Variants in SGSM3 observed in about 807,000 individuals in gnomAD.
SGSM3 encodes the protein small G protein signaling modulator 3.
In SGSM3, 96 loss-of-function variants were observed where a neutral mutation model predicts 100.5. The observed-to-expected ratio is 0.96, with a 90% CI of 0.81 to 1.13. The LOEUF (loss-of-function observed/expected upper bound fraction) is 1.13. Among genes scored for constraint, SGSM3 ranks in the 50% most tolerant of loss-of-function variants. The pLI, the probability that SGSM3 is intolerant of heterozygous loss-of-function variation, is 0.00. For synonymous variants in SGSM3, 483 were observed against 422.8 expected (o/e 1.14, Z -1.75); for missense variants, 1,001 against 1,015.8 (o/e 0.99, Z 0.20).
rs2052409105 is a variant in SGSM3 at position 40,410,105 on chromosome 22, G to A, written c.*346G>A. The stretch of plus-strand genomic sequence containing the variant: ...ATAAATAAACTGTGTCTGTCTTTGA[G>A]AAAGCACCTACCTGTCTTCTGTGCA... On this transcript the variant is annotated 3_prime_UTR_variant, in exon 22 of 22. Transcript: ENST00000248929. 8 of 1,122,354 alleles carry A rather than the reference G, an allele frequency of 7.1e-6. No homozygotes were observed. The highest frequency in any genetic ancestry group is 8.8e-6 in the Non-Finnish European group (8 of 911,574). 69.5% of individuals were successfully genotyped at this position (1,122,354 alleles called of 1,614,324 possible).
chr22:40,398,537 C>T lies in SGSM3; in HGVS notation c.-111-2159C>T, dbSNP rs1341445930. Among the ~76,000 whole-genome samples the T allele has an allele frequency of 2.1e-5, 3 of 141,536 alleles. 1 individual carries two copies. Among genetic ancestry groups the T allele is most frequent in the African/African-American group, 7.8e-5 (3 of 38,538 alleles). The allele number at this position is 141,536 out of a possible 152,430, so 92.9% of individuals were successfully genotyped here. A position where few individuals can be genotyped will look rare whatever the true frequency, so the allele number is the denominator to read the frequency against. ...CTTTTACTCTGCCCTTTCAGAACCACCAACCAAACCCCTGCCTCTGGGGCC... is the reference window on the plus strand; with the variant it reads ...CTTTTACTCTGCCCTTTCAGAACCATCAACCAAACCCCTGCCTCTGGGGCC... On this transcript the variant is annotated intron_variant, in intron 1 of 21. Coordinates refer to ENST00000248929, the MANE Select transcript of SGSM3 (RefSeq NM_015705.6).
Position 40,405,707 on chromosome 22 carries a change from C to T in SGSM3, c.677C>T (p.Ala226Val), listed in dbSNP as rs2051393773. The T allele has an allele frequency of 1.2e-6, 2 of 1,613,614 alleles. No individual in the cohort carries two copies. The highest frequency in any genetic ancestry group is 1.3e-5 in the African/African-American group (1 of 74,874). The stretch of plus-strand genomic sequence containing the variant: ...GAGGACGCCTTCTGGATGATGTCTG[C>T]CATCATCGAGGACCTGCTCCCCGCC... The part of the protein sequence containing the change: ...EEEDAFWMMS[A>V]IIEDLLPASY... The change falls in exon 8 of 22, where the codon GCC becomes GTC. Residue 226 changes from alanine to valine, a missense_variant. Physicochemically the swap from Ala to Val is moderately conservative, Grantham distance 64 (BLOSUM62 0). Coordinates refer to ENST00000248929, the MANE Select transcript of SGSM3 (RefSeq NM_015705.6).
chr22:40,371,033 G>A (rs1247480513), intron 1 of SGSM3, among the ~76,000 whole-genome samples: 5 of 152,258 alleles, frequency 3.3e-5, no homozygotes, highest in Admixed American at 6.5e-5. Context: ...TGAGGCGGGG[G>A]GCTTTCTAAA....
intron 1 of SGSM3, among the ~76,000 whole-genome samples, chr22:40,379,968 C>G (rs1246486172): frequency 6.6e-6 from 1 of 152,138 alleles, no homozygotes; most frequent in Non-Finnish European, 1.5e-5. Flanking sequence ...TCCTCGGCCT[C>G]CTAAAGTGCT....
At chr22:40,406,735 G>A (rs143734853) in intron 10 of SGSM3, 73 bp downstream of exon 10, 58,147 of 1,282,968 alleles carry the variant, frequency 0.045, 1,516 homozygotes, top group Non-Finnish European at 0.055. Context: ...AGTTCAGAGC[G>A]CGGGGGCTGC....
rs551248980 is a variant in SGSM3 at position 40,407,159 on chromosome 22, C to T, written c.1241-42C>T. The T allele has an allele frequency of 3.1e-6, 5 of 1,612,644 alleles. No homozygotes were observed. The African/African-American group carries it at 4.0e-5, about 13-fold the overall frequency. ...GACGTGGAGCTTCCTCCTCGGGGGC[C>T]TGGAGTGGGCTGTGGTCACCATGGT... On this transcript the variant is annotated intron_variant, in intron 11 of 21. Coordinates refer to ENST00000248929, the MANE Select transcript of SGSM3 (RefSeq NM_015705.6). This position sits in a 1 kb window ranked among gnomAD's most constrained non-coding sequence, Gnocchi z 4.7.
intron 1 of SGSM3, among the ~76,000 whole-genome samples, chr22:40,399,775 C>T (rs1308651974): frequency 1.3e-5 from 2 of 152,230 alleles, no homozygotes; most frequent in Non-Finnish European, 2.9e-5. Flanking sequence ...GTTGGGGAAG[C>T]AGGTTCTGCC....
In SGSM3 at chr22:40,405,845, G is replaced by A. The variant is rs1160376047; in HGVS notation, c.814+1G>A. The A allele has an allele frequency of 1.2e-6, 2 of 1,606,856 alleles. No individual in the cohort carries two copies. The highest frequency in any genetic ancestry group is 1.3e-5 in the African/African-American group (1 of 74,914). On this transcript the variant is annotated splice_donor_variant, in intron 8 of 21. Coordinates refer to ENST00000248929, the MANE Select transcript of SGSM3 (RefSeq NM_015705.6). LOFTEE classifies it high-confidence loss of function. ...AAGCTGCTCCAGGAGCATGACATTG[G>A]TAAGGCGCCCCTGAGCCACTGGCTC...
In SGSM3 at chr22:40,407,671, C is replaced by T. The variant is rs1003842795; in HGVS notation, c.1524+103C>T. ...ACCCCTTTCCCTGCCAAGAGCTTCT[C>T]TTGTGAAGATGTAGGGGTCTTGGCC... On this transcript the variant is annotated intron_variant, in intron 13 of 21. Coordinates refer to ENST00000248929, the MANE Select transcript of SGSM3 (RefSeq NM_015705.6). The surrounding 1 kb of genome is among the most constrained non-coding windows in gnomAD (Gnocchi z 4.7). 1 of 1,584,288 alleles carries T rather than the reference C, an allele frequency of 6.3e-7. No individual in the cohort carries two copies. Among genetic ancestry groups the T allele is most frequent in the African/African-American group, 1.3e-5 (1 of 74,366 alleles).
chr22:40,379,839 A>G (rs2047268100), intron 1 of SGSM3, among the ~76,000 whole-genome samples: 1 of 151,878 alleles, frequency 6.6e-6, no homozygotes. Flanking sequence ...TTCCTGAGTA[A>G]TCTGGGACTA....
chr22:40,374,566 C>T (rs926990727), intron 1 of SGSM3, among the ~76,000 whole-genome samples: 35 of 152,222 alleles, frequency 2.3e-4, no homozygotes, highest in African/African-American at 8.4e-4. Flanking sequence ...TCTCCTAGAA[C>T]AGTGGTAGGT....
At chr22:40,371,058 C>A (rs1321577927) in intron 1 of SGSM3, among the ~76,000 whole-genome samples, 1 of 152,242 alleles carries the variant, frequency 6.6e-6, no homozygotes, top group African/African-American at 2.4e-5. Flanking sequence ...GCCTGGCTGG[C>A]TCTGGCACCG....
Position 40,404,326 on chromosome 22 carries a change from C to T in SGSM3, c.237C>T (p.Ala79=), listed in dbSNP as rs1241625254. The change falls in exon 5 of 22, where the codon GCC becomes GCT. Residue 79 remains alanine (A), a synonymous_variant. Coordinates refer to ENST00000248929, the MANE Select transcript of SGSM3 (RefSeq NM_015705.6). ...CTCCACAGAGGCTGCGGTGGCAGGC[C>T]CACCTGGAGTTCACCCATAACCACG... The part of the protein sequence containing the change: ...EDAPQRLRWQ[A]HLEFTHNHDV... 1 of 1,587,224 alleles carries T rather than the reference C, an allele frequency of 6.3e-7. No individual in the cohort carries two copies. Among genetic ancestry groups the T allele is most frequent in the South Asian group, 1.2e-5 (1 of 86,700 alleles).
In SGSM3 at chr22:40,408,797, G is replaced by A. The variant is rs146714777; in HGVS notation, c.1857G>A (p.Leu619=). The change falls in exon 18 of 22, where the codon TTG becomes TTA. Residue 619 remains leucine (L), a synonymous_variant. Coordinates refer to ENST00000248929, the MANE Select transcript of SGSM3 (RefSeq NM_015705.6). ...SRLVLCKTFR[L]DEDGKVLTPE... ...AGGAGCTTTGGTGTCCCCTCAGGTT[G>A]GATGAAGATGGCAAAGTCCTGACCC... The A allele has an allele frequency of 1.3e-4, 217 of 1,613,692 alleles. 1 individual carries two copies. Among genetic ancestry groups the A allele is most frequent in the Non-Finnish European group, 1.8e-4 (213 of 1,180,032 alleles).
intron 7 of SGSM3, 73 bp from the exon 8 acceptor site, chr22:40,405,576 C>T (rs1167041347): frequency 7.0e-7 from 1 of 1,426,952 alleles, no homozygotes; most frequent in Non-Finnish European, 9.6e-7. Flanking sequence ...ATTGGTCTCC[C>T]TAGGGTAGGG....
At chr22:40,398,082 C>T (rs183789925) in intron 1 of SGSM3, among the ~76,000 whole-genome samples, 2 of 151,790 alleles carry the variant, frequency 1.3e-5, no homozygotes, top group East Asian at 3.9e-4. Context: ...ATTCTCCTGC[C>T]TCGGCCTCCC....
chr22:40,406,084 C>A lies in SGSM3; in HGVS notation c.821C>A (p.Ser274Tyr). The stretch of plus-strand genomic sequence containing the variant: ...TTGGCTCCTGTGTTTACAGAGCTGT[C>A]CCTGATCACACTGCACTGGTTCCTC... Reference protein sequence around the residue: ...KLLQEHDIELSLITLHWFLTA... With the variant: ...KLLQEHDIELYLITLHWFLTA... Residue 274 changes from serine (S) to tyrosine (Y), a missense_variant, in exon 9 of 22, where the codon TCC becomes TAC. Physicochemically the swap from Ser to Tyr is moderately radical, Grantham distance 144. Coordinates refer to ENST00000248929, the MANE Select transcript of SGSM3 (RefSeq NM_015705.6). 6.2e-7 allele frequency: 1 copy of A among 1,613,900 alleles called. No homozygotes were observed. The highest frequency in any genetic ancestry group is 8.5e-7 in the Non-Finnish European group (1 of 1,179,954).
chr22:40,404,738 G>A, intron 6 of SGSM3, 74 bp downstream of exon 6: 3 of 1,055,126 alleles, frequency 2.8e-6, no homozygotes, highest in Non-Finnish European at 4.3e-6. Flanking sequence ...CCTGCCTGGG[G>A]TTCTTAGAGT....
chr22:40,379,791 C>G (rs1037300306), intron 1 of SGSM3, among the ~76,000 whole-genome samples: 1 of 152,104 alleles, frequency 6.6e-6, no homozygotes, highest in Non-Finnish European at 1.5e-5. Flanking sequence ...TCACTGCAAC[C>G]TCCACCTCCC....
Sources: gnomAD v4.1 joint callset for allele counts (sites outside exome capture counted in the v4.1 genomes callset) on GRCh38, gnomAD v4.1.1 for gene constraint, Gnocchi (gnomAD v3.1) non-coding constraint, MANE v1.5 for transcripts, NCBI Gene and HGNC (gene_info 2026-07-23, HGNC 2026-07-21) for gene names.